The following NSG2 variants were observed in gnomAD, a reference collection of about 807,000 sequenced individuals.
NSG2 encodes the protein neuronal vesicle trafficking-associated protein 2.
A neutral mutation model predicts 16.9 loss-of-function variants in NSG2; 4 were observed. The observed-to-expected ratio is 0.24, with a 90% CI of 0.12 to 0.54. The LOEUF (loss-of-function observed/expected upper bound fraction) is 0.54, where lower values mean the gene tolerates loss of function less well. Ranked by LOEUF, NSG2 falls within the 20% of genes least tolerant of loss-of-function variation. The probability of loss-of-function intolerance (pLI) is 0.95; values close to 1 mark genes in which losing one functional copy is unlikely to be tolerated. For missense variants in NSG2, 179 were observed against 221.1 expected, an observed-to-expected ratio of 0.81 and a Z score of 1.21; for synonymous variants, 98 against 88.7, an observed-to-expected ratio of 1.11 and a Z score of -0.59.
intron 3 of NSG2, among the ~76,000 whole-genome samples, chr5:174,085,309 C>G (rs1039155469): frequency 6.6e-6 from 1 of 152,082 alleles, no homozygotes; most frequent in Non-Finnish European, 1.5e-5. Context: ...AGAGAGGTGG[C>G]GTCGTGTACT....
rs1007701718 is a variant in NSG2 at position 174,105,423 on chromosome 5, T to G, written c.324+1085T>G. On this transcript the variant is annotated intron_variant, in intron 4 of 4. Transcript: ENST00000303177. Reference sequence around the variant, plus strand: ...ATTATATACTTGCATCTCTTTTCTCTTATATCAAAAGTCTTGGCTCCTAAC... The same window carrying G: ...ATTATATACTTGCATCTCTTTTCTCGTATATCAAAAGTCTTGGCTCCTAAC... Among the ~76,000 whole-genome samples the G allele has an allele frequency of 7.9e-5, 12 of 152,330 alleles. No individual in the cohort carries two copies. The East Asian group carries it at 9.6e-4, about 12-fold the overall frequency.
At chr5:174,074,318 G>A (rs986634137) in intron 3 of NSG2, among the ~76,000 whole-genome samples, 1 of 152,198 alleles carries the variant, frequency 6.6e-6, no homozygotes, top group Non-Finnish European at 1.5e-5. Context: ...CGATAAACGT[G>A]AGCTTCCTCT....
intron 3 of NSG2, among the ~76,000 whole-genome samples, chr5:174,087,040 C>G (rs1179216398): frequency 6.6e-6 from 1 of 152,204 alleles, no homozygotes; most frequent in Non-Finnish European, 1.5e-5. Context: ...GAGCTTTCCT[C>G]TCTGGGTTCT....
chr5:174,080,766 T>C (rs77690654), intron 3 of NSG2, among the ~76,000 whole-genome samples: 4,478 of 152,212 alleles, frequency 0.029, 70 homozygotes, highest in Non-Finnish European at 0.036. Context: ...TTTTACCATA[T>C]TGGCCAGGCT....
intron 3 of NSG2, among the ~76,000 whole-genome samples, chr5:174,077,348 C>T (rs1760362803): frequency 6.6e-6 from 1 of 152,154 alleles, no homozygotes; most frequent in Admixed American, 6.5e-5. Context: ...CACTTCCTTT[C>T]CCTGCTTCAA....
chr5:174,075,515 C>G (rs1213495763), intron 3 of NSG2, among the ~76,000 whole-genome samples: 1 of 152,194 alleles, frequency 6.6e-6, no homozygotes, highest in Non-Finnish European at 1.5e-5. Flanking sequence ...TGCGTTGGCT[C>G]TCTCGTCCTC....
intron 3 of NSG2, among the ~76,000 whole-genome samples, chr5:174,067,703 G>T (rs931343319): frequency 6.6e-6 from 1 of 152,248 alleles, no homozygotes; most frequent in Non-Finnish European, 1.5e-5. Flanking sequence ...AGGTGCAGAG[G>T]TGGATGCAGG....
intron 3 of NSG2, among the ~76,000 whole-genome samples, chr5:174,075,593 AG>A (rs1760327428): frequency 6.6e-6 from 1 of 152,184 alleles, no homozygotes; most frequent in Non-Finnish European, 1.5e-5. Flanking sequence ...GAAAAAGAGA[AG>A]CGACAATTTC....
At chr5:174,080,096 T>G (rs940510288) in intron 3 of NSG2, among the ~76,000 whole-genome samples, 2 of 152,182 alleles carry the variant, frequency 1.3e-5, no homozygotes, top group African/African-American at 4.8e-5. Context: ...TTAAAAAAGC[T>G]ACTGCATTTC....
At chr5:174,080,845 GA>G (rs1246122700) in intron 3 of NSG2, among the ~76,000 whole-genome samples, 3 of 152,134 alleles carry the variant, frequency 2.0e-5, no homozygotes. Flanking sequence ...TTACAGATGT[GA>G]GCCACCACGC....
At chr5:174,099,417 G>A (rs1179405902) in intron 3 of NSG2, among the ~76,000 whole-genome samples, 1 of 152,066 alleles carries the variant, frequency 6.6e-6, no homozygotes, top group Non-Finnish European at 1.5e-5. Flanking sequence ...TCAGCACCTG[G>A]GACACGCCCT....
intron 3 of NSG2, among the ~76,000 whole-genome samples, chr5:174,069,557 T>C (rs1760200208): frequency 6.6e-6 from 1 of 152,232 alleles, no homozygotes; most frequent in Non-Finnish European, 1.5e-5. Flanking sequence ...TTTTCATTAA[T>C]AAAACCAGAC....
chr5:174,050,970 C>T (rs1759879041), intron 2 of NSG2, among the ~76,000 whole-genome samples: 1 of 152,166 alleles, frequency 6.6e-6, no homozygotes, highest in Non-Finnish European at 1.5e-5. Context: ...CATCCCATCC[C>T]TGAATCTTGA....
chr5:174,076,959 G>T (rs1760354799), intron 3 of NSG2, among the ~76,000 whole-genome samples: 1 of 152,086 alleles, frequency 6.6e-6, no homozygotes, highest in African/African-American at 2.4e-5. Context: ...ACGCCACCAA[G>T]GATAAGTCAG....
intron 2 of NSG2, among the ~76,000 whole-genome samples, chr5:174,053,596 G>A (rs1759925158): frequency 6.6e-6 from 1 of 152,116 alleles, no homozygotes; most frequent in Non-Finnish European, 1.5e-5. Flanking sequence ...CAGGCTCCAG[G>A]CCCTAGAGCC....
At chr5:174,045,912 A>G (rs1269190506) in intron 1 of NSG2, 69 bp downstream of exon 1, 11 of 152,076 alleles carry the variant, frequency 7.2e-5, no homozygotes. Context: ...CCCCACAACA[A>G]CCCTGTTTTG....
At chr5:174,093,917 C>T (rs1377544487) in intron 3 of NSG2, among the ~76,000 whole-genome samples, 2 of 152,174 alleles carry the variant, frequency 1.3e-5, no homozygotes, top group African/African-American at 4.8e-5. Flanking sequence ...CCTGGCTTGA[C>T]AGTGGAAGGG....
intron 2 of NSG2, among the ~76,000 whole-genome samples, chr5:174,060,240 G>A (rs537169266): frequency 2.0e-5 from 3 of 152,172 alleles, no homozygotes; most frequent in African/African-American, 7.2e-5. Context: ...GTCTCAACAT[G>A]TTGGTTAGAA....
intron 2 of NSG2, chr5:174,056,729 G>A (rs984138686): frequency 1.3e-4 from 20 of 152,240 alleles, no homozygotes; most frequent in Non-Finnish European, 1.2e-4. Flanking sequence ...GACTGTGCAA[G>A]TCCAGCTCAT....
Sources: allele counts gnomAD v4.1 joint callset (sites outside exome capture counted in the v4.1 genomes callset), GRCh38; gene constraint gnomAD v4.1.1; transcripts MANE v1.5; gene names NCBI Gene and HGNC (gene_info 2026-07-23, HGNC 2026-07-21).